The following FBN2 variants were observed in gnomAD, a reference collection of about 807,000 sequenced individuals.
FBN2 encodes fibrillin-2.
A neutral mutation model predicts 355.6 loss-of-function variants in FBN2; 105 were observed. That is an observed-to-expected ratio of 0.30 (90% confidence interval 0.25 to 0.35). The LOEUF is 0.35. Among genes scored for constraint, FBN2 ranks in the 10% least tolerant of loss-of-function variants. The probability of loss-of-function intolerance (pLI) is 1.00; values close to 1 mark genes in which losing one functional copy is unlikely to be tolerated. For synonymous variants in FBN2, 1,350 were observed against 1,301.2 expected, an observed-to-expected ratio of 1.04 and a Z score of -0.81; for missense variants, 3,280 against 3,758.7, an observed-to-expected ratio of 0.87 and a Z score of 3.33.
rs138053395 is a variant in FBN2 at position 128,508,674 on chromosome 5, C to G, written c.628+10599G>C. Among the ~76,000 whole-genome samples, 876 of 152,074 alleles carry G rather than the reference C, an allele frequency of 5.8e-3. 13 individuals are homozygous for G. The highest frequency in any genetic ancestry group is 0.02 in the African/African-American group (828 of 41,530). ...ACCCACATAGTTACGTTTTTTGATA[C>G]TTTTCATTCCTTTCAATATTTTTCA... On this transcript the variant is annotated intron_variant, in intron 5 of 64. Transcript: ENST00000262464.
chr5:128,274,446 A>G, intron 60 of FBN2, 121 bp downstream of exon 60: 1 of 718,566 alleles, frequency 1.4e-6, no homozygotes, highest in East Asian at 2.7e-5. Flanking sequence ...TAGACCACAA[A>G]TTATGGGGTA....
intron 5 of FBN2, among the ~76,000 whole-genome samples, chr5:128,510,352 A>G (rs6898449): frequency 0.5 from 75,659 of 152,166 alleles, 22,076 homozygotes; most frequent in African/African-American, 0.82. Flanking sequence ...GAAGCCTGTG[A>G]GCCACAGGTG....
intron 48 of FBN2, among the ~76,000 whole-genome samples, chr5:128,298,571 C>T (rs967854385): frequency 4.0e-4 from 61 of 152,312 alleles, no homozygotes; most frequent in African/African-American, 1.4e-3. Flanking sequence ...TCCCTTCTCA[C>T]TTCATTTCAT....
rs1276109885 is a variant in FBN2 at position 128,537,564 on chromosome 5, G to A, written c.40C>T (p.Leu14=). Residue 14 remains leucine (L), a synonymous_variant, in exon 1 of 65, where the codon CTG becomes TTG. Transcript: ENST00000262464. ...CAGAGCACCACACAGCCCAGCCACA[G>A]GAAGTAGAGCTGGAGACACAGCCTC... ...RRRLCLQLYF[L]WLGCVVLWAQ... is the part of the protein sequence containing the mutation. The A allele has an allele frequency of 6.2e-7, 1 of 1,604,782 alleles. No individual in the cohort carries two copies. Among genetic ancestry groups the A allele is most frequent in the Non-Finnish European group, 8.5e-7 (1 of 1,177,180 alleles).
chr5:128,378,639 G>T (rs1462919785), intron 12 of FBN2, 132 bp downstream of exon 12: 4 of 925,638 alleles, frequency 4.3e-6, no homozygotes, highest in East Asian at 2.6e-5. Context: ...ATCTCTGAGG[G>T]TATTACAAAT....
At chr5:128,311,794 G>A (rs960049995) in intron 38 of FBN2, 91 bp downstream of exon 38, 11 of 880,290 alleles carry the variant, frequency 1.2e-5, no homozygotes, top group African/African-American at 3.3e-5. Context: ...TTATCTTGTC[G>A]GGGCTGCTCT....
At chr5:128,516,177 G>GA (rs1357146654) in intron 5 of FBN2, among the ~76,000 whole-genome samples, 1 of 152,078 alleles carries the variant, frequency 6.6e-6, no homozygotes, top group Non-Finnish European at 1.5e-5. Flanking sequence ...AAGTGTTAGG[G>GA]AAAAAACCCA....
At chr5:128,488,339 C>A (rs1755398235) in intron 5 of FBN2, among the ~76,000 whole-genome samples, 1 of 152,092 alleles carries the variant, frequency 6.6e-6, no homozygotes, top group African/African-American at 2.4e-5. Flanking sequence ...TATATATCAA[C>A]CATGAATTGT....
At chr5:128,492,581 T>C (rs971242840) in intron 5 of FBN2, among the ~76,000 whole-genome samples, 6 of 152,128 alleles carry the variant, frequency 3.9e-5, no homozygotes, top group Admixed American at 1.3e-4. Flanking sequence ...GGCGGGTGGA[T>C]CACCCAAGGT....
intron 8 of FBN2, among the ~76,000 whole-genome samples, chr5:128,407,174 T>C (rs1219217334): frequency 6.6e-6 from 1 of 152,176 alleles, no homozygotes; most frequent in African/African-American, 2.4e-5. Flanking sequence ...AGTGTCACAG[T>C]AGCACAAGAG....
intron 48 of FBN2, among the ~76,000 whole-genome samples, chr5:128,300,050 TA>T (rs1276901152): frequency 6.6e-6 from 1 of 152,192 alleles, no homozygotes; most frequent in East Asian, 1.9e-4. Context: ...CTGCCCTATT[TA>T]ACTCCCTTAA....
chr5:128,346,166 T>C (rs1208515100), intron 23 of FBN2, among the ~76,000 whole-genome samples: 1 of 152,236 alleles, frequency 6.6e-6, no homozygotes, highest in East Asian at 1.9e-4. Context: ...ATGTCACATT[T>C]TCCCTCCAAC....
intron 4 of FBN2, 86 bp downstream of exon 4, chr5:128,527,786 T>A: frequency 1.0e-6 from 1 of 985,904 alleles, no homozygotes; most frequent in East Asian, 2.6e-5. Flanking sequence ...TTTCAAAAGA[T>A]CACAGGATTT....
At chr5:128,416,651 A>G (rs977858485) in intron 7 of FBN2, among the ~76,000 whole-genome samples, 2 of 152,150 alleles carry the variant, frequency 1.3e-5, no homozygotes, top group Non-Finnish European at 2.9e-5. Flanking sequence ...TCCCAGCACC[A>G]TTTACTGAAA....
chr5:128,437,362 G>T (rs1417103734), intron 7 of FBN2, among the ~76,000 whole-genome samples: 2 of 152,188 alleles, frequency 1.3e-5, no homozygotes, highest in African/African-American at 4.8e-5. Context: ...ATTATAATAT[G>T]AAGTGAAAAA....
chr5:128,506,808 G>C (rs2127146978), intron 5 of FBN2, among the ~76,000 whole-genome samples: 1 of 151,976 alleles, frequency 6.6e-6, no homozygotes, highest in East Asian at 1.9e-4. Flanking sequence ...TGACTGTTTT[G>C]GGAACAGATT....
At chr5:128,336,927 A>T (rs912614495) in intron 27 of FBN2, among the ~76,000 whole-genome samples, 3 of 152,344 alleles carry the variant, frequency 2.0e-5, no homozygotes, top group Admixed American at 6.5e-5. Context: ...CAAGAAGATT[A>T]TATGGCATGG....
At chr5:128,519,146 G>C (rs1756362783) in intron 5 of FBN2, 127 bp downstream of exon 5, 2 of 749,538 alleles carry the variant, frequency 2.7e-6, no homozygotes, top group Non-Finnish European at 4.7e-6. Context: ...ATTCAACTTA[G>C]AGACATAATC....
At chr5:128,312,107 A>C (rs1451608592) in intron 37 of FBN2, among the ~76,000 whole-genome samples, 154 bp from the exon 38 acceptor site, 1 of 152,234 alleles carries the variant, frequency 6.6e-6, no homozygotes, top group African/African-American at 2.4e-5. Context: ...TTAAAGTTAC[A>C]TATTTTACAT....
Sources: gnomAD v4.1 joint callset for allele counts (sites outside exome capture counted in the v4.1 genomes callset) on GRCh38, gnomAD v4.1.1 for gene constraint, MANE v1.5 for transcripts, NCBI Gene and HGNC (gene_info 2026-07-23, HGNC 2026-07-21) for gene names.